The following CACNA1A variants were observed in gnomAD, a reference collection of about 807,000 sequenced individuals.
The protein encoded by CACNA1A is voltage-dependent P/Q-type calcium channel subunit alpha-1A.
CACNA1A carries 57 observed loss-of-function variants against 262.4 expected under a neutral mutation model. That is an observed-to-expected ratio of 0.22 (90% CI 0.18 to 0.27). The LOEUF is 0.27. Among genes scored for constraint, CACNA1A ranks in the 10% least tolerant of loss-of-function variants. CACNA1A has a pLI of 1.00. For missense variants in CACNA1A, 2,526 were observed against 3,562.8 expected, an observed-to-expected ratio of 0.71 and a Z score of 7.41; for synonymous variants, 1,431 against 1,419.3, an observed-to-expected ratio of 1.01 and a Z score of -0.18.
intron 19 of CACNA1A, among the ~76,000 whole-genome samples, chr19:13,289,389 C>T (rs914649599): frequency 1.1e-4 from 17 of 152,116 alleles, no homozygotes; most frequent in African/African-American, 3.6e-4. Context: ...TCAAGCGACC[C>T]TCTTGCCTCA....
chr19:13,460,280 T>A (rs2061096664), intron 1 of CACNA1A, among the ~76,000 whole-genome samples: 2 of 152,156 alleles, frequency 1.3e-5, no homozygotes, highest in African/African-American at 4.8e-5. Flanking sequence ...GCTAAGTGCC[T>A]CTATTTCAGG....
At chr19:13,457,632 C>A (rs2061038036) in intron 1 of CACNA1A, among the ~76,000 whole-genome samples, 1 of 152,138 alleles carries the variant, frequency 6.6e-6, no homozygotes, top group Non-Finnish European at 1.5e-5. Context: ...AGGCAGATCA[C>A]CTGAGGTTGG....
intron 1 of CACNA1A, among the ~76,000 whole-genome samples, chr19:13,457,479 A>G (rs971055407): frequency 5.9e-5 from 9 of 152,206 alleles, no homozygotes; most frequent in Admixed American, 5.9e-4. Flanking sequence ...GATGGAAACA[A>G]CCTAAATTTC....
At chr19:13,359,276 C>G (rs1201403345) in intron 6 of CACNA1A, among the ~76,000 whole-genome samples, 1 of 152,222 alleles carries the variant, frequency 6.6e-6, no homozygotes, top group Admixed American at 6.5e-5. Context: ...AAAGATATTA[C>G]TCTATCTTTT....
intron 1 of CACNA1A, among the ~76,000 whole-genome samples, chr19:13,489,151 G>A (rs1353598804): frequency 6.6e-6 from 1 of 151,018 alleles, no homozygotes; most frequent in Non-Finnish European, 1.5e-5. Flanking sequence ...AGCTGGGACT[G>A]CGGGTGTGCA....
At chr19:13,385,230 CTT>C (rs911743392) in intron 3 of CACNA1A, among the ~76,000 whole-genome samples, 18 of 139,650 alleles carry the variant, frequency 1.3e-4, no homozygotes, top group Admixed American at 2.8e-4. Context: ...TTCTTTCTTT[CTT>C]TTTTTTTTTT....
At chr19:13,453,098 G>C in intron 2 of CACNA1A, 83 bp from the exon 3 acceptor site, 3 of 1,421,436 alleles carry the variant, frequency 2.1e-6, no homozygotes, top group African/African-American at 1.4e-5. Flanking sequence ...CTAGAAATCA[G>C]TACCTATCAC....
intron 3 of CACNA1A, 23 bp from the exon 4 acceptor site, chr19:13,371,802 G>C: frequency 6.5e-7 from 1 of 1,529,380 alleles, no homozygotes; most frequent in Non-Finnish European, 8.9e-7. Context: ...AGCCAGAATG[G>C]AGAACAGAGG....
intron 3 of CACNA1A, among the ~76,000 whole-genome samples, chr19:13,396,991 T>C (rs1424432053): frequency 6.6e-6 from 1 of 152,218 alleles, no homozygotes; most frequent in South Asian, 2.1e-4. Context: ...ATGGCTTCTC[T>C]CTGAGGACCT....
chr19:13,272,755 A>C (rs2057056491), intron 24 of CACNA1A: 1 of 146,202 alleles, frequency 6.8e-6, no homozygotes, highest in South Asian at 2.2e-4. Context: ...AAAGGAGGGG[A>C]GAGGGAGGGA....
At chr19:13,282,908 G>A (rs1323751525) in intron 22 of CACNA1A, among the ~76,000 whole-genome samples, 1 of 152,156 alleles carries the variant, frequency 6.6e-6, no homozygotes, top group Non-Finnish European at 1.5e-5. Context: ...CTACTGCGGA[G>A]GGGACCACCT....
In CACNA1A at chr19:13,506,277, C is replaced by T; in HGVS notation, c.-53G>A. The T allele has an allele frequency of 1.7e-6, 2 of 1,186,484 alleles. No individual in the cohort carries two copies. The highest frequency in any genetic ancestry group is 2.2e-5 in the South Asian group (1 of 45,198). 73.5% of individuals were successfully genotyped at this position (1,186,484 alleles called of 1,614,324 possible). A position where few individuals can be genotyped will look rare whatever the true frequency, so the allele number is the denominator to read the frequency against. ...ACGCTGCGGCGAACGATGCGGAAGACGCCGCCGCCGCCGCCGCCGCCGCTG... is the reference window on the plus strand; with the variant it reads ...ACGCTGCGGCGAACGATGCGGAAGATGCCGCCGCCGCCGCCGCCGCCGCTG... On this transcript the variant is annotated 5_prime_UTR_variant, in exon 1 of 47. Coordinates refer to ENST00000360228, the MANE Select transcript of CACNA1A (RefSeq NM_001127222.2).
intron 5 of CACNA1A, chr19:13,365,017 T>C (rs529605736): frequency 1.5e-5 from 3 of 204,736 alleles, no homozygotes; most frequent in South Asian, 1.5e-4. Context: ...ACCCGCTTGA[T>C]AGCACACTCT....
At chr19:13,388,750 T>C (rs2059662555) in intron 3 of CACNA1A, among the ~76,000 whole-genome samples, 1 of 152,180 alleles carries the variant, frequency 6.6e-6, no homozygotes, top group Non-Finnish European at 1.5e-5. Context: ...CAGAGACAAC[T>C]GAGAGAATGT....
intron 3 of CACNA1A, among the ~76,000 whole-genome samples, chr19:13,388,245 CTTTTTTTTTTTT>C (rs1161893626): frequency 4.7e-5 from 4 of 85,708 alleles, no homozygotes; most frequent in East Asian, 7.5e-4. Flanking sequence ...TCTTCCTCTT[CTTTTTTTTTTTT>C]TTTTTTTTTT....
At chr19:13,374,936 G>T (rs2059380197) in intron 3 of CACNA1A, among the ~76,000 whole-genome samples, 1 of 152,192 alleles carries the variant, frequency 6.6e-6, no homozygotes, top group African/African-American at 2.4e-5. Flanking sequence ...CTCCCAAAGT[G>T]CTGGGATTAT....
chr19:13,265,335 A>C (rs147886992), intron 24 of CACNA1A, among the ~76,000 whole-genome samples: 4 of 152,344 alleles, frequency 2.6e-5, no homozygotes, highest in Admixed American at 6.5e-5. Context: ...GCTGCCCCAG[A>C]GACCCCCATC....
chr19:13,282,704 G>GA (rs766018385), intron 22 of CACNA1A, among the ~76,000 whole-genome samples: 60 of 151,968 alleles, frequency 3.9e-4, no homozygotes, highest in Non-Finnish European at 6.8e-4. Flanking sequence ...GGTTGGGGGG[G>GA]CGCATTGTGA....
chr19:13,392,907 C>T (rs778716467), intron 3 of CACNA1A, among the ~76,000 whole-genome samples: 4 of 152,164 alleles, frequency 2.6e-5, no homozygotes, highest in Admixed American at 1.3e-4. Flanking sequence ...CCACCATGCT[C>T]GGCTAATCTT....
Sources: allele counts gnomAD v4.1 joint callset (sites outside exome capture counted in the v4.1 genomes callset), GRCh38; gene constraint gnomAD v4.1.1; transcripts MANE v1.5; gene names NCBI Gene and HGNC (gene_info 2026-07-23, HGNC 2026-07-21).